The following ARSB variants were observed in gnomAD, a reference collection of about 807,000 sequenced individuals.
The protein encoded by ARSB is arylsulfatase B.
ARSB carries 41 observed loss-of-function variants against 50.9 expected under a neutral mutation model. The observed-to-expected ratio is 0.81, with a 90% CI of 0.63 to 1.04. The LOEUF (loss-of-function observed/expected upper bound fraction) is 1.04, where lower values mean the gene tolerates loss of function less well. Ranked by LOEUF, ARSB falls within the 50% of genes least tolerant of loss-of-function variation. ARSB has a pLI of 0.00. For synonymous variants in ARSB, 269 were observed against 284.8 expected (o/e 0.94, Z 0.56); for missense variants, 672 against 693.3 (o/e 0.97, Z 0.35).
intron 4 of ARSB, among the ~76,000 whole-genome samples, chr5:78,911,754 T>C (rs1412161282): frequency 6.6e-6 from 1 of 152,074 alleles, no homozygotes; most frequent in Non-Finnish European, 1.5e-5. Flanking sequence ...GAGACACAGC[T>C]TTCTATGGAT....
chr5:78,984,927 C>CGGCGCGGGCGGCGGGG lies in ARSB; in HGVS notation c.312+9_312+10insCCCCGCCGCCCGCGCC. The CGGCGCGGGCGGCGGGG allele has an allele frequency of 7.5e-7, 1 of 1,338,222 alleles. No individual in the cohort carries two copies. Among genetic ancestry groups the CGGCGCGGGCGGCGGGG allele is most frequent in the Non-Finnish European group, 9.6e-7 (1 of 1,046,552 alleles). The allele number at this position is 1,338,222 out of a possible 1,614,324, so 82.9% of individuals were successfully genotyped here. ...GCGGGGGCGGCGCGGGCGGCGGGGGCGCCGCGTACCTGGTAGCGGCCAGTG... is the reference window on the plus strand; with the variant it reads ...GCGGGGGCGGCGCGGGCGGCGGGGGCGGCGCGGGCGGCGGGGGCCGCGTACCTGGTAGCGGCCAGTG... On this transcript the variant is annotated intron_variant, in intron 1 of 7. Coordinates refer to ENST00000264914, the MANE Select transcript of ARSB (RefSeq NM_000046.5).
intron 3 of ARSB, among the ~76,000 whole-genome samples, chr5:78,960,471 C>G (rs1010762799): frequency 4.6e-5 from 7 of 152,226 alleles, no homozygotes; most frequent in African/African-American, 1.7e-4. Flanking sequence ...GAGTCTTCCA[C>G]TAGAAATTAA....
intron 6 of ARSB, among the ~76,000 whole-genome samples, chr5:78,819,594 G>C (rs1162557776): frequency 6.6e-6 from 1 of 152,224 alleles, no homozygotes; most frequent in African/African-American, 2.4e-5. Flanking sequence ...AATGTGCCCT[G>C]ACTAGGTGAT....
chr5:78,964,342 C>T lies in ARSB; in HGVS notation c.690+74G>A. 6 of 1,420,794 alleles carry T rather than the reference C, an allele frequency of 4.2e-6. No individual in the cohort carries two copies. The South Asian group carries it at 5.8e-5, about 14-fold the overall frequency. 88.0% of individuals were successfully genotyped at this position (1,420,794 alleles called of 1,614,324 possible). Reference sequence around the variant, plus strand: ...TAGATTTTTCCCTAAACAACAATGGCCTTTTCCTACATTTGTCTGAAAAGA... The same window carrying T: ...TAGATTTTTCCCTAAACAACAATGGTCTTTTCCTACATTTGTCTGAAAAGA... On this transcript the variant is annotated intron_variant, in intron 3 of 7. Coordinates refer to ENST00000264914, the MANE Select transcript of ARSB (RefSeq NM_000046.5).
At chr5:78,949,688 T>C (rs1364796986) in intron 4 of ARSB, among the ~76,000 whole-genome samples, 6 of 152,198 alleles carry the variant, frequency 3.9e-5, no homozygotes, top group Admixed American at 1.3e-4. Context: ...GGTGGGTGGA[T>C]TGCCTGAGCT....
At chr5:78,965,896 A>C (rs1295252513) in intron 2 of ARSB, among the ~76,000 whole-genome samples, 1 of 152,238 alleles carries the variant, frequency 6.6e-6, no homozygotes, top group Non-Finnish European at 1.5e-5. Context: ...AATAACTTTT[A>C]TATGGCAATC....
At chr5:78,829,021 T>C (rs1008600508) in intron 6 of ARSB, among the ~76,000 whole-genome samples, 1 of 152,144 alleles carries the variant, frequency 6.6e-6, no homozygotes, top group Non-Finnish European at 1.5e-5. Flanking sequence ...TTGCTGGCTT[T>C]GAAGATGGAG....
At chr5:78,839,596 T>A (rs1433822895) in intron 5 of ARSB, among the ~76,000 whole-genome samples, 170 bp from the exon 6 acceptor site, 2 of 152,220 alleles carry the variant, frequency 1.3e-5, no homozygotes, top group South Asian at 2.1e-4. Flanking sequence ...CAAGCAGTCA[T>A]CGTTTGTTTA....
At chr5:78,781,814 A>G in intron 7 of ARSB, 38 bp downstream of exon 7, 2 of 1,613,682 alleles carry the variant, frequency 1.2e-6, no homozygotes, top group East Asian at 2.2e-5. Context: ...TGCTTTGTCT[A>G]CCACGGGAAG....
intron 4 of ARSB, among the ~76,000 whole-genome samples, chr5:78,929,382 AAAG>A (rs1161094121): frequency 1.3e-5 from 2 of 152,132 alleles, no homozygotes; most frequent in Non-Finnish European, 2.9e-5. Context: ...CAGACACGGG[AAAG>A]GAAATCTCCA....
At chr5:78,792,333 C>T (rs1742981434) in intron 6 of ARSB, among the ~76,000 whole-genome samples, 1 of 150,650 alleles carries the variant, frequency 6.6e-6, no homozygotes, top group African/African-American at 2.4e-5. Flanking sequence ...GAGCCGAGAT[C>T]GCATCACTGT....
intron 5 of ARSB, among the ~76,000 whole-genome samples, chr5:78,858,701 G>GA (rs543366561): frequency 6.6e-6 from 1 of 151,844 alleles, no homozygotes; most frequent in African/African-American, 2.4e-5. Flanking sequence ...AAATTTTGAA[G>GA]AAAAAAAATA....
At chr5:78,883,141 C>T (rs1198587354) in intron 5 of ARSB, 1 of 151,974 alleles carries the variant, frequency 6.6e-6, no homozygotes, top group Non-Finnish European at 1.5e-5. Context: ...AGTACTCACG[C>T]TTGGGGAAAT....
chr5:78,860,322 A>G (rs1746371916), intron 5 of ARSB, among the ~76,000 whole-genome samples: 1 of 152,182 alleles, frequency 6.6e-6, no homozygotes, highest in African/African-American at 2.4e-5. Context: ...TTGGGTGCAT[A>G]TATATTTAGG....
intron 4 of ARSB, among the ~76,000 whole-genome samples, chr5:78,918,578 C>A (rs1027572050): frequency 1.3e-4 from 20 of 152,146 alleles, no homozygotes; most frequent in Admixed American, 1.3e-3. Flanking sequence ...CATGCATGCA[C>A]AAATACACAT....
intron 5 of ARSB, among the ~76,000 whole-genome samples, chr5:78,852,380 T>C (rs1193525840): frequency 6.6e-6 from 1 of 152,234 alleles, no homozygotes; most frequent in African/African-American, 2.4e-5. Flanking sequence ...TGTTGAATAT[T>C]GGCCCCCACT....
At chr5:78,900,600 A>G (rs1159816052) in intron 4 of ARSB, among the ~76,000 whole-genome samples, 1 of 151,984 alleles carries the variant, frequency 6.6e-6, no homozygotes, top group Non-Finnish European at 1.5e-5. Context: ...TCATCCTCAT[A>G]CTTGAACTCT....
intron 4 of ARSB, among the ~76,000 whole-genome samples, chr5:78,922,813 G>A (rs1373589348): frequency 6.6e-6 from 1 of 151,842 alleles, no homozygotes; most frequent in Non-Finnish European, 1.5e-5. Context: ...GGGCAGTGAC[G>A]GGGTTTCACC....
intron 6 of ARSB, among the ~76,000 whole-genome samples, chr5:78,803,529 G>A (rs1301940031): frequency 2.0e-5 from 3 of 152,308 alleles, no homozygotes; most frequent in African/African-American, 7.2e-5. Flanking sequence ...CTGCCAAAGG[G>A]AGCAGACAGA....
Sources: gnomAD v4.1 joint callset for allele counts (sites outside exome capture counted in the v4.1 genomes callset) on GRCh38, gnomAD v4.1.1 for gene constraint, MANE v1.5 for transcripts, NCBI Gene and HGNC (gene_info 2026-07-23, HGNC 2026-07-21) for gene names.